ZMYM6: variants seen among roughly 807,000 people sequenced by gnomAD.
ZMYM6 encodes the protein zinc finger MYM-type protein 6.
ZMYM6 carries 90 observed loss-of-function variants against 134.0 expected under a neutral mutation model. The observed-to-expected ratio is 0.67, with a 90% confidence interval of 0.57 to 0.80. The LOEUF (loss-of-function observed/expected upper bound fraction) is 0.80. Ranked by LOEUF, ZMYM6 falls within the 30% of genes least tolerant of loss-of-function variation. ZMYM6 has a pLI of 0.00. For synonymous variants in ZMYM6, 481 were observed against 524.1 expected, an observed-to-expected ratio of 0.92 and a Z score of 1.12; for missense variants, 1,362 against 1,533.9, an observed-to-expected ratio of 0.89 and a Z score of 1.87.
rs1391962844 is a variant in ZMYM6 at position 35,010,990 on chromosome 1, A to G, written c.1109T>C (p.Leu370Pro). Residue 370 changes from leucine (L) to proline (P), a missense_variant, in exon 9 of 16, where the codon CTG becomes CCG. Around this residue, in one of 3 missense-constraint regions of ZMYM6, gnomAD observed 503 missense variants for 520.8 expected, o/e 0.97. Coordinates refer to ENST00000357182, the MANE Select transcript of ZMYM6 (RefSeq NM_007167.4). Reference sequence around the variant, plus strand: ...GCTTACAACCACTTGGCCCTGAGACAGGGGCACCGCCGAAGAGTTTGTTCC... The same window carrying G: ...GCTTACAACCACTTGGCCCTGAGACGGGGGCACCGCCGAAGAGTTTGTTCC... The part of the protein sequence containing the change: ...PKGTNSSAVP[L>P]SQGQVVVSPP... 3.1e-6 allele frequency: 5 copies of G among 1,613,864 alleles called. No homozygotes were observed. The Admixed American group carries it at 6.7e-5, about 22-fold the overall frequency.
chr1:35,016,495 A>C (rs1641190492), intron 4 of ZMYM6, among the ~76,000 whole-genome samples: 1 of 152,192 alleles, frequency 6.6e-6, no homozygotes, highest in Non-Finnish European at 1.5e-5. Flanking sequence ...CTGGTAAAAC[A>C]GAGGTTAAGT....
chr1:35,004,079 T>C (rs916729186), intron 13 of ZMYM6, 74 bp from the exon 14 acceptor site: 3 of 1,347,402 alleles, frequency 2.2e-6, no homozygotes, highest in Middle Eastern at 4.8e-4. Flanking sequence ...GAAGTTACTT[T>C]CCTCCCATTA....
intron 14 of ZMYM6, among the ~76,000 whole-genome samples, chr1:34,994,927 C>CAT (rs113400005): frequency 1.4e-3 from 200 of 143,424 alleles, no homozygotes; most frequent in Non-Finnish European, 2.0e-3. Context: ...TATATATAGA[C>CAT]ATATATATAT....
In ZMYM6 at chr1:35,004,002, G is replaced by A; in HGVS notation, c.1958C>T (p.Ala653Val). The A allele has an allele frequency of 6.2e-7, 1 of 1,609,682 alleles. No homozygotes were observed. Among genetic ancestry groups the A allele is most frequent in the African/African-American group, 1.3e-5 (1 of 74,856 alleles). The change falls in exon 14 of 16, where the codon GCA (alanine) becomes GTA (valine). Residue 653 changes from alanine to valine, a missense_variant. This residue lies in a region of ZMYM6 where 824 missense variants were observed against 940.9 expected (regional missense o/e 0.88). Coordinates refer to ENST00000357182, the MANE Select transcript of ZMYM6 (RefSeq NM_007167.4). ...TGNTNSVLKG[A>V]VTKEAAKIIQ... ...GATCTTTGCTGCCTCTTTAGTAACT[G>A]CACCTGTTGTAAATTAAAACAAATA...
intron 2 of ZMYM6, among the ~76,000 whole-genome samples, chr1:35,029,734 A>G (rs1641483093): frequency 6.6e-6 from 1 of 152,104 alleles, no homozygotes; most frequent in Non-Finnish European, 1.5e-5. Context: ...TTGCCTAATC[A>G]ATTCATTCTT....
intron 12 of ZMYM6, 147 bp from the exon 13 acceptor site, chr1:35,005,419 G>T: frequency 1.2e-6 from 1 of 861,490 alleles, no homozygotes; most frequent in Non-Finnish European, 1.7e-6. Flanking sequence ...TAGGTTGGGT[G>T]ACTCTGGTCA....
At chr1:35,030,501 AAAG>A in intron 2 of ZMYM6, 43 bp downstream of exon 2, 1 of 1,566,472 alleles carries the variant, frequency 6.4e-7, no homozygotes, top group Non-Finnish European at 8.6e-7. Flanking sequence ...ACCAGATGGA[AAAG>A]AAGGAATTTT....
chr1:34,989,950 C>T (rs922335031), intron 15 of ZMYM6: 4 of 151,838 alleles, frequency 2.6e-5, no homozygotes, highest in Non-Finnish European at 4.4e-5. Context: ...TAATGTTTTA[C>T]TTTCAAACAA....
Position 35,011,870 on chromosome 1 carries a change from T to C in ZMYM6, c.1062+20A>G. ...ATGCCTAACAGAACCACATGCATAA[T>C]GTGCTACCTTAGATCATACCTGGAA... is the stretch of plus-strand genomic sequence containing the variant. On this transcript the variant is annotated intron_variant, in intron 8 of 15. Coordinates refer to ENST00000357182, the MANE Select transcript of ZMYM6 (RefSeq NM_007167.4). The C allele has an allele frequency of 6.6e-7, 1 of 1,511,550 alleles. No individual in the cohort carries two copies. The highest frequency in any genetic ancestry group is 9.0e-7 in the Non-Finnish European group (1 of 1,109,500). 93.6% of individuals were successfully genotyped at this position (1,511,550 alleles called of 1,614,324 possible). A position where few individuals can be genotyped will look rare whatever the true frequency, so the allele number is the denominator to read the frequency against.
chr1:34,991,842 A>G (rs1640681328), intron 15 of ZMYM6, among the ~76,000 whole-genome samples: 1 of 152,212 alleles, frequency 6.6e-6, no homozygotes, highest in African/African-American at 2.4e-5. Context: ...GCAATTGAAA[A>G]TCTAAGGGTA....
chr1:34,992,373 T>C lies in ZMYM6; in HGVS notation c.2007A>G (p.Glu669=), dbSNP rs1640692517. The C allele has an allele frequency of 3.1e-6, 5 of 1,613,760 alleles. No homozygotes were observed. Among genetic ancestry groups the C allele is most frequent in the South Asian group, 1.1e-5 (1 of 91,070 alleles). ...GGGAAGATGGAAATTTCATAGCATC[T>C]TCCTGTGTACTTTCCTAGTTAAAAG... The part of the protein sequence containing the change: ...AKIIQDESTQ[E]DAMKFPSSQS... Residue 669 remains glutamate, a synonymous_variant, in exon 15 of 16, where the codon GAA becomes GAG. Transcript: ENST00000357182.
intron 6 of ZMYM6, chr1:35,013,275 CAGA>C (rs747084950): frequency 2.3e-5 from 19 of 820,500 alleles, no homozygotes; most frequent in Non-Finnish European, 2.8e-5. Context: ...AACAGATGAG[CAGA>C]AGAAGTAGGA....
At chr1:34,994,256 T>C (rs1640736908) in intron 14 of ZMYM6, among the ~76,000 whole-genome samples, 2 of 152,124 alleles carry the variant, frequency 1.3e-5, no homozygotes, top group African/African-American at 4.8e-5. Context: ...TAATATATAA[T>C]TCTAGGTAGT....
intron 14 of ZMYM6, among the ~76,000 whole-genome samples, chr1:35,001,243 C>A (rs113034635): frequency 0.02 from 2,963 of 147,886 alleles, 102 homozygotes; most frequent in African/African-American, 0.069. Context: ...TCAGAGAAAC[C>A]AAGAAAAGAT....
At chr1:35,005,352 C>A in intron 12 of ZMYM6, 80 bp from the exon 13 acceptor site, 1 of 1,433,998 alleles carries the variant, frequency 7.0e-7, no homozygotes, top group African/African-American at 1.4e-5. Context: ...CACACAAAAC[C>A]CTGTTTAGTA....
At chr1:34,990,089 T>A (rs1640645438) in intron 15 of ZMYM6, 1 of 154,890 alleles carries the variant, frequency 6.5e-6, no homozygotes. Flanking sequence ...GTCAGTGAGG[T>A]TGTAGAGAAA....
intron 14 of ZMYM6, among the ~76,000 whole-genome samples, chr1:34,999,980 G>C (rs758727701): frequency 1.8e-4 from 28 of 152,126 alleles, no homozygotes; most frequent in Non-Finnish European, 3.4e-4. Context: ...CCAGGTTGTA[G>C]TGCAATGGTG....
At chr1:34,995,434 C>T (rs574361132) in intron 14 of ZMYM6, among the ~76,000 whole-genome samples, 2 of 151,322 alleles carry the variant, frequency 1.3e-5, no homozygotes, top group East Asian at 3.9e-4. Flanking sequence ...ACATATATAC[C>T]TATGATAAAG....
chr1:34,992,659 AC>A (rs1251058835), intron 14 of ZMYM6, among the ~76,000 whole-genome samples: 1 of 146,406 alleles, frequency 6.8e-6, no homozygotes, highest in South Asian at 2.2e-4. Context: ...ATATTTATAA[AC>A]TATAAATATA....
Sources: allele counts gnomAD v4.1 joint callset (sites outside exome capture counted in the v4.1 genomes callset), GRCh38; gene constraint gnomAD v4.1.1; regional missense constraint gnomAD v4.1.1; transcripts MANE v1.5; gene names NCBI Gene and HGNC (gene_info 2026-07-23, HGNC 2026-07-21).